IL1R1: variants seen among roughly 807,000 people sequenced by gnomAD.
IL1R1 encodes the protein interleukin-1 receptor type 1.
A neutral mutation model predicts 50.2 loss-of-function variants in IL1R1; 22 were observed. The observed-to-expected ratio is 0.44, with a 90% confidence interval of 0.31 to 0.63. IL1R1 has a LOEUF of 0.63. Among genes scored for constraint, IL1R1 ranks in the 20% least tolerant of loss-of-function variants. IL1R1 has a pLI of 0.07. For missense variants in IL1R1, 509 were observed against 676.2 expected (o/e 0.75, Z 2.74); for synonymous variants, 251 against 236.7 (o/e 1.06, Z -0.55).
At chr2:102,073,659 AGG>A (rs1290077468) in intron 1 of IL1R1, among the ~76,000 whole-genome samples, 1 of 152,192 alleles carries the variant, frequency 6.6e-6, no homozygotes, top group African/African-American at 2.4e-5. Context: ...AGAGATACTC[AGG>A]GCTCTTTCTT....
chr2:102,125,117 A>T (rs184083245), intron 1 of IL1R1, among the ~76,000 whole-genome samples: 2 of 152,248 alleles, frequency 1.3e-5, no homozygotes, highest in African/African-American at 2.4e-5. Flanking sequence ...GATGGCAGGG[A>T]ACCTCTCATG....
intron 1 of IL1R1, among the ~76,000 whole-genome samples, chr2:102,137,366 G>A (rs1182233588): frequency 6.6e-6 from 1 of 152,158 alleles, no homozygotes; most frequent in South Asian, 2.1e-4. Flanking sequence ...TCAGCTAGGT[G>A]GTTCTCATTT....
chr2:102,168,097 G>C (rs1046888868), intron 6 of IL1R1, among the ~76,000 whole-genome samples: 15 of 152,114 alleles, frequency 9.9e-5, no homozygotes, highest in African/African-American at 3.6e-4. Flanking sequence ...AAATAAGTCA[G>C]ATTAATTTCT....
chr2:102,073,370 AG>A (rs1324111197), intron 1 of IL1R1, among the ~76,000 whole-genome samples: 1 of 152,204 alleles, frequency 6.6e-6, no homozygotes, highest in African/African-American at 2.4e-5. Flanking sequence ...CACTAGGCAA[AG>A]TGCTGACTGT....
chr2:102,143,109 C>G (rs746976487), intron 1 of IL1R1, 89 bp downstream of exon 1: 4 of 152,354 alleles, frequency 2.6e-5, no homozygotes, highest in Admixed American at 6.5e-5. Flanking sequence ...CTGCAGGACG[C>G]CGTGAGCGTC....
In IL1R1 at chr2:102,165,498, C is replaced by T. The variant is rs558754212; in HGVS notation, c.486+194C>T. On this transcript the variant is annotated intron_variant, in intron 5 of 11. Transcript: ENST00000410023. ...TGAAGCTTAACTAGAAATTTGTTTGCTGTTGTTTTTATTTAATTTAATAAG... is the reference window on the plus strand; with the variant it reads ...TGAAGCTTAACTAGAAATTTGTTTGTTGTTGTTTTTATTTAATTTAATAAG... Among the ~76,000 whole-genome samples, 23 of 152,118 alleles carry T rather than the reference C, an allele frequency of 1.5e-4. No homozygotes were observed. The East Asian group carries it at 3.3e-3, about 22-fold the overall frequency.
At chr2:102,078,490 G>A (rs1679070029) in intron 1 of IL1R1, among the ~76,000 whole-genome samples, 1 of 149,522 alleles carries the variant, frequency 6.7e-6, no homozygotes, top group South Asian at 2.1e-4. Flanking sequence ...AACTGAAACT[G>A]GATCAAGAAG....
At position 102,149,987 on chromosome 2, in the gene IL1R1, A is replaced by C. The variant is rs944428929; in HGVS notation, c.-83-3954A>C. Among the ~76,000 whole-genome samples, 87 of 152,162 alleles carry C rather than the reference A, an allele frequency of 5.7e-4. 1 individual carries two copies. Among genetic ancestry groups the C allele is most frequent in the African/African-American group, 2.0e-3 (83 of 41,454 alleles). On this transcript the variant is annotated intron_variant, in intron 1 of 11. Coordinates refer to ENST00000410023, the MANE Select transcript of IL1R1 (RefSeq NM_000877.4). ...CCGCTGTCCCCAGAAGTGGACCTCCAGCAGGTTCTGATACTATCTGGGGTG... is the reference window on the plus strand; with the variant it reads ...CCGCTGTCCCCAGAAGTGGACCTCCCGCAGGTTCTGATACTATCTGGGGTG...
At chr2:102,082,236 T>TATAAATTAAAGG (rs1215998609) in intron 1 of IL1R1, among the ~76,000 whole-genome samples, 2 of 152,156 alleles carry the variant, frequency 1.3e-5, no homozygotes, top group Admixed American at 1.3e-4. Context: ...AAAGGATAAA[T>TATAAATTAAAGG]ATAAATTAAA....
chr2:102,076,444 A>G (rs1320387243), intron 1 of IL1R1, among the ~76,000 whole-genome samples: 4 of 152,174 alleles, frequency 2.6e-5, no homozygotes, highest in Non-Finnish European at 5.9e-5. Flanking sequence ...TCCATTTGGT[A>G]TAATTTTCTT....
chr2:102,168,551 T>G (rs752790270), intron 6 of IL1R1, 47 bp from the exon 7 acceptor site: 1 of 1,455,720 alleles, frequency 6.9e-7, no homozygotes. Flanking sequence ...CACTTGAGAT[T>G]CTGATCTATA....
At position 102,176,809 on chromosome 2, in the gene IL1R1, T is replaced by C; in HGVS notation, c.*50T>C. 1 of 1,560,466 alleles carries C rather than the reference T, an allele frequency of 6.4e-7. No homozygotes were observed. The highest frequency in any genetic ancestry group is 8.8e-7 in the Non-Finnish European group (1 of 1,139,598). Reference sequence around the variant, plus strand: ...TTAGGTGCCTCCTGTCTTATGGCGTTGCAGGCCAGGTTATGCCTCATGCTG... The same window carrying C: ...TTAGGTGCCTCCTGTCTTATGGCGTCGCAGGCCAGGTTATGCCTCATGCTG... On this transcript the variant is annotated 3_prime_UTR_variant, in exon 12 of 12. Transcript: ENST00000410023.
intron 1 of IL1R1, among the ~76,000 whole-genome samples, chr2:102,153,090 A>AGTAAG (rs1299956089): frequency 7.2e-5 from 11 of 152,160 alleles, no homozygotes; most frequent in African/African-American, 2.7e-4. Context: ...ACCACAACCC[A>AGTAAG]GCTTTTTGAG....
Position 102,176,359 on chromosome 2 carries a change from T to A in IL1R1, c.1310T>A (p.Val437Asp). Residue 437 changes from valine (V) to aspartate (D), a missense_variant, in exon 12 of 12, where the codon GTT becomes GAT. Val to Asp is a radical substitution (Grantham distance 152). Coordinates refer to ENST00000410023, the MANE Select transcript of IL1R1 (RefSeq NM_000877.4). ...TGTGCTTCCTGTTTTTCAGACATTG[T>A]TGAGGTCATTAATGAAAACGTAAAG... ...GRDDYVGEDIVEVINENVKKS... is the reference protein window; with the variant it reads ...GRDDYVGEDIDEVINENVKKS... The A allele has an allele frequency of 6.2e-7, 1 of 1,613,390 alleles. No homozygotes were observed. Among genetic ancestry groups the A allele is most frequent in the Non-Finnish European group, 8.5e-7 (1 of 1,179,624 alleles).
At chr2:102,111,929 C>G (rs1439714519) in intron 1 of IL1R1, among the ~76,000 whole-genome samples, 1 of 152,146 alleles carries the variant, frequency 6.6e-6, no homozygotes, top group African/African-American at 2.4e-5. Flanking sequence ...AAGGGCAGAA[C>G]TGGAACTTTT....
upstream of IL1R1, among the ~76,000 whole-genome samples, chr2:102,103,878 C>T (rs896741240): frequency 6.6e-6 from 1 of 150,872 alleles, no homozygotes; most frequent in Admixed American, 6.6e-5. Flanking sequence ...TCTATAATCC[C>T]AGCTACTCGG....
chr2:102,129,596 T>C (rs1478596656), intron 1 of IL1R1, among the ~76,000 whole-genome samples: 1 of 152,200 alleles, frequency 6.6e-6, no homozygotes, highest in Non-Finnish European at 1.5e-5. Context: ...TGTAGGTCCT[T>C]ATGGTGAACC....
intron 1 of IL1R1, among the ~76,000 whole-genome samples, chr2:102,085,856 C>A (rs956858848): frequency 6.6e-6 from 1 of 152,020 alleles, no homozygotes; most frequent in African/African-American, 2.4e-5. Flanking sequence ...TTGTATAGCT[C>A]CATTTATAAG....
chr2:102,176,870 T>C lies in IL1R1; in HGVS notation c.*111T>C. On this transcript the variant is annotated 3_prime_UTR_variant, in exon 12 of 12. Coordinates refer to ENST00000410023, the MANE Select transcript of IL1R1 (RefSeq NM_000877.4). ...TTCATGGAATGTAACTATATCATCC[T>C]TTATCCCTGAGGTCACCTGGAATCA... 1 of 1,044,054 alleles carries C rather than the reference T, an allele frequency of 9.6e-7. No individual in the cohort carries two copies. The highest frequency in any genetic ancestry group is 1.4e-6 in the Non-Finnish European group (1 of 702,490). 64.7% of individuals were successfully genotyped at this position (1,044,054 alleles called of 1,614,324 possible).
Sources: gnomAD v4.1 joint callset for allele counts (sites outside exome capture counted in the v4.1 genomes callset) on GRCh38, gnomAD v4.1.1 for gene constraint, MANE v1.5 for transcripts, NCBI Gene and HGNC (gene_info 2026-07-23, HGNC 2026-07-21) for gene names.